FCN2: variants seen among roughly 807,000 people sequenced by gnomAD.
FCN2 encodes the protein ficolin 2, also known as ficolin-2.
In FCN2, 31 loss-of-function variants were observed where a neutral mutation model predicts 32.5. That is an observed-to-expected ratio of 0.96 (90% CI 0.72 to 1.29). FCN2 has a LOEUF of 1.29. Ranked by LOEUF, FCN2 falls within the 50% of genes most tolerant of loss-of-function variation. FCN2 has a pLI of 0.00. For missense variants in FCN2, 412 were observed against 406.5 expected, an observed-to-expected ratio of 1.01 and a Z score of -0.12; for synonymous variants, 181 against 164.5, an observed-to-expected ratio of 1.10 and a Z score of -0.77.
the FCN2 span, among the ~76,000 whole-genome samples, chr9:134,875,018 C>T: frequency 9.9e-5 from 15 of 152,134 alleles, no homozygotes; most frequent in Admixed American, 7.2e-4. Flanking sequence ...AAAAAAACAA[C>T]GGATTTTATA....
chr9:134,871,368 T>C, the FCN2 span, among the ~76,000 whole-genome samples: 1 of 152,146 alleles, frequency 6.6e-6, no homozygotes, highest in Non-Finnish European at 1.5e-5. Flanking sequence ...TTCTCGACAG[T>C]TGGATGGGGG....
intron 6 of FCN2, 25 bp downstream of exon 6, chr9:134,885,922 G>C (rs1436246737): frequency 6.3e-7 from 1 of 1,596,266 alleles, no homozygotes; most frequent in Non-Finnish European, 8.5e-7. Context: ...GGGGCTTGGG[G>C]GTCGGGGGCC....
the FCN2 span, among the ~76,000 whole-genome samples, chr9:134,874,963 G>C: frequency 6.6e-6 from 1 of 152,044 alleles, no homozygotes; most frequent in Non-Finnish European, 1.5e-5. Flanking sequence ...CAATGCTATG[G>C]TAAATGGTGT....
chr9:134,879,665 C>G (rs541635745), upstream of FCN2, among the ~76,000 whole-genome samples: 17 of 152,260 alleles, frequency 1.1e-4, no homozygotes, highest in African/African-American at 4.1e-4. Flanking sequence ...CACCACGGAA[C>G]CCGAGGGGGG....
At chr9:134,885,926 G>A (rs934697866) in intron 6 of FCN2, 29 bp downstream of exon 6, 35 of 1,587,316 alleles carry the variant, frequency 2.2e-5, no homozygotes, top group Admixed American at 1.7e-4. Context: ...CTTGGGGGTC[G>A]GGGGCCCTGA....
the FCN2 span, among the ~76,000 whole-genome samples, chr9:134,864,797 T>C: frequency 6.6e-6 from 1 of 152,194 alleles, no homozygotes; most frequent in Non-Finnish European, 1.5e-5. Flanking sequence ...CCTCATTTTC[T>C]CAACAGATTG....
chr9:134,878,352 G>C (rs915359332), upstream of FCN2, among the ~76,000 whole-genome samples: 2 of 152,158 alleles, frequency 1.3e-5, no homozygotes, highest in African/African-American at 4.8e-5. Context: ...GCCCTTCTCT[G>C]AGCCTCAGCC....
At chr9:134,873,865 C>CT in the FCN2 span, among the ~76,000 whole-genome samples, 16 of 147,474 alleles carry the variant, frequency 1.1e-4, no homozygotes, top group Non-Finnish European at 1.9e-4. Context: ...AATGGCAGAA[C>CT]TTTTTTTTTG....
chr9:134,878,127 G>T (rs764063906), upstream of FCN2, among the ~76,000 whole-genome samples: 1 of 152,194 alleles, frequency 6.6e-6, no homozygotes, highest in Non-Finnish European at 1.5e-5. Context: ...TCAGTTTTGA[G>T]ACTCAGATTG....
At chr9:134,872,531 GAGGTTTAATGGACTCAC>G in the FCN2 span, among the ~76,000 whole-genome samples, 1 of 152,212 alleles carries the variant, frequency 6.6e-6, no homozygotes, top group Non-Finnish European at 1.5e-5. Context: ...ATAAAGGAAA[GAGGTTTAATGGACTCAC>G]AGTTCCACGT....
the FCN2 span, among the ~76,000 whole-genome samples, chr9:134,867,389 A>G: frequency 1.3e-5 from 2 of 150,878 alleles, no homozygotes; most frequent in South Asian, 4.2e-4. Context: ...CTATCACAAG[A>G]ACAAAAAACC....
rs76267164 is a variant in FCN2 at position 134,887,405 on chromosome 9, G to A, written c.932G>A (p.Arg311Gln). 4.8e-3 allele frequency: 7,767 copies of A among 1,613,996 alleles called. 57 individuals carry two copies. The highest frequency in any genetic ancestry group is 8.1e-3 in the Admixed American group (486 of 60,014). The change falls in exon 8 of 8, where the codon CGA (arginine) becomes CAA (glutamine). Residue 311 changes from arginine to glutamine, a missense_variant. Arg to Gln is a conservative substitution (Grantham distance 43, BLOSUM62 1). Transcript: ENST00000291744. ...TACAAGGTGTCAGAGATGAAGGTGC[G>A]ACCTGCCTAGCCCAGGCCGGCCTCA... ...YSYKVSEMKV[R>Q]PA
At chr9:134,883,019 C>T (rs560011853) in intron 2 of FCN2, among the ~76,000 whole-genome samples, 103 of 152,316 alleles carry the variant, frequency 6.8e-4, no homozygotes, top group South Asian at 1.4e-3. Flanking sequence ...CCAGGGATTT[C>T]GCTCTGTTCT....
the FCN2 span, among the ~76,000 whole-genome samples, chr9:134,868,649 C>G: frequency 6.6e-6 from 1 of 152,342 alleles, no homozygotes; most frequent in African/African-American, 2.4e-5. This position sits in a 1 kb window ranked among gnomAD's most constrained non-coding sequence, Gnocchi z 4.3. Flanking sequence ...GTGCCAGCAT[C>G]CAGCCCCCTG....
At chr9:134,881,008 C>A (rs2132996142) in intron 1 of FCN2, 87 bp downstream of exon 1, 3 of 947,574 alleles carry the variant, frequency 3.2e-6, no homozygotes, top group Middle Eastern at 2.6e-4. Flanking sequence ...GGCTTCCAGG[C>A]CTTGCACCAG....
chr9:134,887,486 C>T lies in FCN2; in HGVS notation c.*71C>T, dbSNP rs1430824274. 3 of 1,471,936 alleles carry T rather than the reference C, an allele frequency of 2.0e-6. No homozygotes were observed. The highest frequency in any genetic ancestry group is 2.3e-5 in the East Asian group (1 of 43,854). The allele number at this position is 1,471,936 out of a possible 1,614,324, so 91.2% of individuals were successfully genotyped here. Reference sequence around the variant, plus strand: ...GGGGGGTAGGGTTGGGAGCTTGGCCCTACGGTTTGTAAAAGAAACACATGT... The same window carrying T: ...GGGGGGTAGGGTTGGGAGCTTGGCCTTACGGTTTGTAAAAGAAACACATGT... On this transcript the variant is annotated 3_prime_UTR_variant, in exon 8 of 8. Transcript: ENST00000291744.
At chr9:134,872,107 T>A in the FCN2 span, among the ~76,000 whole-genome samples, 2,571 of 152,354 alleles carry the variant, frequency 0.017, 77 homozygotes, top group African/African-American at 0.059. Context: ...TGTTGTACTG[T>A]GCACAGCAGT....
the FCN2 span, among the ~76,000 whole-genome samples, chr9:134,869,942 G>A: frequency 3.3e-5 from 5 of 152,158 alleles, no homozygotes; most frequent in African/African-American, 4.8e-5. Flanking sequence ...CTGCAGGAGG[G>A]GGGGGCCCAC....
At chr9:134,877,373 C>T (rs996102282), upstream of FCN2, among the ~76,000 whole-genome samples, 2 of 152,108 alleles carry the variant, frequency 1.3e-5, no homozygotes, top group Admixed American at 1.3e-4. Flanking sequence ...TCTAATTTCT[C>T]CTTTGGCCTC....
Sources: gnomAD v4.1 joint callset for allele counts (sites outside exome capture counted in the v4.1 genomes callset) on GRCh38, gnomAD v4.1.1 for gene constraint, Gnocchi (gnomAD v3.1) non-coding constraint, MANE v1.5 for transcripts, NCBI Gene and HGNC (gene_info 2026-07-23, HGNC 2026-07-21) for gene names.